COL8A1: variants seen among roughly 807,000 people sequenced by gnomAD.
The protein encoded by COL8A1 is collagen type VIII alpha 1 chain.
A neutral mutation model predicts 42.7 loss-of-function variants in COL8A1; 21 were observed. That is an observed-to-expected ratio of 0.49 (90% CI 0.35 to 0.71). The LOEUF (loss-of-function observed/expected upper bound fraction) is 0.71, where lower values mean the gene tolerates loss of function less well. Ranked by LOEUF, COL8A1 falls within the 30% of genes least tolerant of loss-of-function variation. COL8A1 has a pLI of 0.01. For missense variants in COL8A1, 788 were observed against 962.4 expected, an observed-to-expected ratio of 0.82 and a Z score of 2.40; for synonymous variants, 367 against 369.1, an observed-to-expected ratio of 0.99 and a Z score of 0.06.
At chr3:99,741,328 T>C (rs1940893233) in intron 1 of COL8A1, among the ~76,000 whole-genome samples, 1 of 152,046 alleles carries the variant, frequency 6.6e-6, no homozygotes, top group African/African-American at 2.4e-5. Context: ...ACTAAGACTG[T>C]TTTTTAATTC....
intron 1 of COL8A1, among the ~76,000 whole-genome samples, chr3:99,663,390 C>T (rs960155954): frequency 6.6e-6 from 1 of 152,138 alleles, no homozygotes; most frequent in African/African-American, 2.4e-5. Context: ...GCTGTTTGCT[C>T]TAGGGCCTCT....
intron 1 of COL8A1, among the ~76,000 whole-genome samples, chr3:99,657,562 G>A (rs1938060916): frequency 6.6e-6 from 1 of 152,172 alleles, no homozygotes; most frequent in African/African-American, 2.4e-5. Context: ...TCTCAGGAAT[G>A]TTTCAAAAGT....
intron 1 of COL8A1, among the ~76,000 whole-genome samples, chr3:99,699,146 C>T (rs1187726391): frequency 2.0e-5 from 3 of 152,168 alleles, no homozygotes; most frequent in African/African-American, 7.2e-5. Flanking sequence ...CCATTCTCTC[C>T]ATCACATGTA....
chr3:99,783,384 G>T lies in COL8A1; in HGVS notation c.-3-7296G>T, dbSNP rs555246530. 7.2e-5 allele frequency among the ~76,000 whole-genome samples: 11 copies of T among 152,308 alleles called. No individual in the cohort carries two copies. In the East Asian group the frequency reaches 2.1e-3, roughly 29 times the overall value. On this transcript the variant is annotated intron_variant, in intron 2 of 3. Transcript: ENST00000652472. ...TGGCTGCTCTTAATTACAGAATTCA[G>T]AATTTGTTAGTGAAGCATATAATTT...
chr3:99,644,830 TC>T (rs1409487275), intron 1 of COL8A1, among the ~76,000 whole-genome samples: 1 of 152,196 alleles, frequency 6.6e-6, no homozygotes, highest in Non-Finnish European at 1.5e-5. Flanking sequence ...GTGTCAGCTG[TC>T]AACTTCTCTA....
rs1175270639 is a variant in COL8A1 at position 99,797,163 on chromosome 3, T to C, written c.*1027T>C. The C allele has an allele frequency of 2.6e-5, 4 of 152,156 alleles. No individual in the cohort carries two copies. Among genetic ancestry groups the C allele is most frequent in the Non-Finnish European group, 5.9e-5 (4 of 68,014 alleles). 9.4% of individuals were successfully genotyped at this position (152,156 alleles called of 1,614,324 possible). A position where few individuals can be genotyped will look rare whatever the true frequency, so the allele number is the denominator to read the frequency against. ...CCTTTGACTACACACACAACCACAG[T>C]GTGGTTCTAATCATGGAGATATCAG... On this transcript the variant is annotated 3_prime_UTR_variant, in exon 4 of 4. Transcript: ENST00000652472.
Position 99,673,941 on chromosome 3 carries a change from C to T in COL8A1, c.-129+35277C>T, listed in dbSNP as rs557101055. ...GCTAAATAAGTTATTACACATAACGCATTTAGAATAGTTCCCCATACATGT... is the reference window on the plus strand; with the variant it reads ...GCTAAATAAGTTATTACACATAACGTATTTAGAATAGTTCCCCATACATGT... On this transcript the variant is annotated intron_variant, in intron 1 of 3. Transcript: ENST00000652472. 1.5e-4 allele frequency among the ~76,000 whole-genome samples: 23 copies of T among 152,042 alleles called. No individual in the cohort carries two copies. In the South Asian group the frequency reaches 4.8e-3, roughly 32 times the overall value.
At chr3:99,645,386 T>C (rs1937623026) in intron 1 of COL8A1, among the ~76,000 whole-genome samples, 1 of 151,842 alleles carries the variant, frequency 6.6e-6, no homozygotes, top group Non-Finnish European at 1.5e-5. Context: ...ATTGTTGAGG[T>C]TGGAAGAATG....
In COL8A1 at chr3:99,797,357, C is replaced by T. The variant is rs1942124663; in HGVS notation, c.*1221C>T. 1 of 152,162 alleles carries T rather than the reference C, an allele frequency of 6.6e-6. No individual in the cohort carries two copies. The highest frequency in any genetic ancestry group is 2.4e-5 in the African/African-American group (1 of 41,408). The allele number at this position is 152,162 out of a possible 1,614,324, so 9.4% of individuals were successfully genotyped here. A position where few individuals can be genotyped will look rare whatever the true frequency, so the allele number is the denominator to read the frequency against. The stretch of plus-strand genomic sequence containing the variant: ...GCACGATCTTGGCTTACTGCAACCT[C>T]TACCTCCTAGGTTCAAGCAATTGTC... On this transcript the variant is annotated 3_prime_UTR_variant, in exon 4 of 4. Coordinates refer to ENST00000652472, the MANE Select transcript of COL8A1 (RefSeq NM_020351.4).
chr3:99,759,751 A>C (rs751269745), intron 2 of COL8A1, among the ~76,000 whole-genome samples: 1 of 152,230 alleles, frequency 6.6e-6, no homozygotes, highest in Non-Finnish European at 1.5e-5. Flanking sequence ...AACCGTAAAA[A>C]GAATAGATAG....
At chr3:99,693,586 G>A (rs111841514) in intron 1 of COL8A1, among the ~76,000 whole-genome samples, 13 of 152,162 alleles carry the variant, frequency 8.5e-5, no homozygotes, top group African/African-American at 2.2e-4. Context: ...ATAGAAAAAC[G>A]CTTATAGTAT....
At chr3:99,723,371 G>A (rs528074705) in intron 1 of COL8A1, among the ~76,000 whole-genome samples, 1 of 152,168 alleles carries the variant, frequency 6.6e-6, no homozygotes, top group African/African-American at 2.4e-5. Flanking sequence ...TGAATTCTCT[G>A]CAAGTCCAGA....
intron 1 of COL8A1, among the ~76,000 whole-genome samples, chr3:99,709,581 A>T (rs1939778278): frequency 6.6e-6 from 1 of 151,986 alleles, no homozygotes; most frequent in African/African-American, 2.4e-5. Context: ...AACTAATCTC[A>T]CTCCACTTTT....
chr3:99,717,077 T>C (rs900211778), intron 1 of COL8A1, among the ~76,000 whole-genome samples: 1 of 152,020 alleles, frequency 6.6e-6, no homozygotes, highest in Non-Finnish European at 1.5e-5. Context: ...AGTTTGTATA[T>C]GGGCAGTCCT....
intron 1 of COL8A1, among the ~76,000 whole-genome samples, chr3:99,665,092 G>A (rs1392360026): frequency 6.6e-6 from 1 of 152,186 alleles, no homozygotes; most frequent in Non-Finnish European, 1.5e-5. Context: ...GCTTCTCCAT[G>A]CTCCCTCATC....
chr3:99,681,449 A>T (rs1181731581), intron 1 of COL8A1, among the ~76,000 whole-genome samples: 2 of 152,204 alleles, frequency 1.3e-5, no homozygotes, highest in East Asian at 3.8e-4. Flanking sequence ...TCCAAAGGAG[A>T]CTGAAAGATT....
At chr3:99,756,020 G>T (rs1941247206) in intron 2 of COL8A1, among the ~76,000 whole-genome samples, 1 of 151,912 alleles carries the variant, frequency 6.6e-6, no homozygotes, top group African/African-American at 2.4e-5. Flanking sequence ...GTAAGGCACT[G>T]GTCCAGGCAA....
intron 2 of COL8A1, among the ~76,000 whole-genome samples, chr3:99,747,299 C>G (rs1941046748): frequency 1.3e-5 from 2 of 152,106 alleles, no homozygotes; most frequent in South Asian, 4.2e-4. Flanking sequence ...TAAAAACAAG[C>G]TTTTTGCTCA....
intron 2 of COL8A1, among the ~76,000 whole-genome samples, chr3:99,768,598 G>A (rs1199555148): frequency 6.6e-6 from 1 of 152,172 alleles, no homozygotes; most frequent in Admixed American, 6.5e-5. Flanking sequence ...TGCTATGCTG[G>A]TTGTCATACA....
Sources: gnomAD v4.1 joint callset for allele counts (sites outside exome capture counted in the v4.1 genomes callset) on GRCh38, gnomAD v4.1.1 for gene constraint, MANE v1.5 for transcripts, NCBI Gene and HGNC (gene_info 2026-07-23, HGNC 2026-07-21) for gene names.